The following HEMK2 variants were observed in gnomAD, a reference collection of about 807,000 sequenced individuals.
HEMK2 encodes the protein methyltransferase HEMK2.
the HEMK2 span, among the ~76,000 whole-genome samples, chr21:28,717,505 A>C: frequency 8.3e-6 from 1 of 119,832 alleles, no homozygotes. Context: ...TTTGAGACGG[A>C]GTCTCACTCT....
chr21:28,602,231 T>C, the HEMK2 span, among the ~76,000 whole-genome samples: 1 of 152,256 alleles, frequency 6.6e-6, no homozygotes, highest in African/African-American at 2.4e-5. Context: ...CTTTATTGTA[T>C]TCATTTTTAC....
At chr21:28,876,883 A>C in the HEMK2 span, among the ~76,000 whole-genome samples, 2 of 152,074 alleles carry the variant, frequency 1.3e-5, no homozygotes, top group East Asian at 3.9e-4. Flanking sequence ...GTGACATTGC[A>C]CAGTGAGAGT....
chr21:28,612,088 C>T, the HEMK2 span, among the ~76,000 whole-genome samples: 3 of 151,486 alleles, frequency 2.0e-5, no homozygotes, highest in African/African-American at 7.3e-5. Flanking sequence ...GCCAGTAACA[C>T]CCTAACACCA....
At chr21:28,877,361 AAGAAG>A in the HEMK2 span, among the ~76,000 whole-genome samples, 4 of 149,114 alleles carry the variant, frequency 2.7e-5, no homozygotes, top group African/African-American at 7.4e-5. Flanking sequence ...AAAAAAAAGA[AAGAAG>A]AGAAGGGAAG....
chr21:28,594,183 A>G, the HEMK2 span, among the ~76,000 whole-genome samples: 2 of 152,110 alleles, frequency 1.3e-5, no homozygotes, highest in African/African-American at 4.8e-5. Flanking sequence ...AAAACTGTCA[A>G]GGTAATAAAA....
the HEMK2 span, among the ~76,000 whole-genome samples, chr21:28,626,398 C>T: frequency 2.0e-5 from 3 of 151,938 alleles, no homozygotes; most frequent in African/African-American, 7.2e-5. Flanking sequence ...TAAAATAAAT[C>T]CTAAAACAAA....
chr21:28,708,894 ACTGT>A, the HEMK2 span, among the ~76,000 whole-genome samples: 1 of 152,184 alleles, frequency 6.6e-6, no homozygotes, highest in Admixed American at 6.5e-5. Flanking sequence ...GTAAATGAAG[ACTGT>A]CTTAGTTCAG....
the HEMK2 span, among the ~76,000 whole-genome samples, chr21:28,869,610 C>G: frequency 6.6e-6 from 1 of 152,178 alleles, no homozygotes; most frequent in Non-Finnish European, 1.5e-5. Context: ...GCTCGAAAAT[C>G]TCTCATGCAT....
chr21:28,835,383 AAGAC>A, the HEMK2 span, among the ~76,000 whole-genome samples: 1 of 152,160 alleles, frequency 6.6e-6, no homozygotes, highest in Non-Finnish European at 1.5e-5. Flanking sequence ...CTAGACCCAG[AAGAC>A]AGACAAAAAT....
chr21:28,632,368 A>T, the HEMK2 span, among the ~76,000 whole-genome samples: 2 of 152,204 alleles, frequency 1.3e-5, no homozygotes, highest in African/African-American at 4.8e-5. Flanking sequence ...TCTAAATGAG[A>T]TCTCTACTAT....
the HEMK2 span, among the ~76,000 whole-genome samples, chr21:28,799,257 T>C: frequency 0.033 from 4,999 of 152,284 alleles, 114 homozygotes; most frequent in Middle Eastern, 0.099. Flanking sequence ...GTGAAAGGCA[T>C]GTCTCACATG....
At chr21:28,615,312 C>T in the HEMK2 span, among the ~76,000 whole-genome samples, 1 of 151,744 alleles carries the variant, frequency 6.6e-6, no homozygotes, top group Non-Finnish European at 1.5e-5. Context: ...TTCCCATTTC[C>T]TTTCCTCCCT....
At chr21:28,664,907 T>C in the HEMK2 span, among the ~76,000 whole-genome samples, 1 of 152,156 alleles carries the variant, frequency 6.6e-6, no homozygotes, top group African/African-American at 2.4e-5. Flanking sequence ...AGTTAAAAGT[T>C]TGTAAGACTA....
the HEMK2 span, among the ~76,000 whole-genome samples, chr21:28,623,171 C>T: frequency 5.3e-5 from 8 of 151,892 alleles, no homozygotes; most frequent in Non-Finnish European, 7.4e-5. Context: ...CAAAAGTGGG[C>T]GAGGACATGA....
At chr21:28,797,306 A>G in the HEMK2 span, among the ~76,000 whole-genome samples, 1 of 152,162 alleles carries the variant, frequency 6.6e-6, no homozygotes, top group South Asian at 2.1e-4. Context: ...ATCAAAAAGA[A>G]AAAGGAAGGC....
At chr21:28,831,967 G>A in the HEMK2 span, among the ~76,000 whole-genome samples, 1,583 of 152,252 alleles carry the variant, frequency 0.01, 37 homozygotes, top group African/African-American at 0.036. Flanking sequence ...CATATTTGTA[G>A]GAGGTGAAAG....
At chr21:28,701,778 T>C in the HEMK2 span, among the ~76,000 whole-genome samples, 1 of 152,162 alleles carries the variant, frequency 6.6e-6, no homozygotes, top group African/African-American at 2.4e-5. Flanking sequence ...ACAGATTCAA[T>C]GCTATTCCTA....
At chr21:28,866,148 G>GT in the HEMK2 span, among the ~76,000 whole-genome samples, 1 of 17,454 alleles carries the variant, frequency 5.7e-5, no homozygotes, top group Non-Finnish European at 1.6e-4. Context: ...TGTCTCTACA[G>GT]AAAAAACAAA....
the HEMK2 span, among the ~76,000 whole-genome samples, chr21:28,858,442 C>T: frequency 2.0e-5 from 3 of 152,162 alleles, no homozygotes; most frequent in Non-Finnish European, 2.9e-5. Context: ...TTGGGTAGTA[C>T]ATTTTAGAAA....
Sources: gnomAD v4.1 joint callset for allele counts (sites outside exome capture counted in the v4.1 genomes callset) on GRCh38, gnomAD v4.1.1 for gene constraint, MANE v1.5 for transcripts, NCBI Gene and HGNC (gene_info 2026-07-23, HGNC 2026-07-21) for gene names.